TOX: variants seen among roughly 807,000 people sequenced by gnomAD.
The protein encoded by TOX is thymocyte selection-associated high mobility group box protein TOX.
A neutral mutation model predicts 53.7 loss-of-function variants in TOX; 11 were observed. That is an observed-to-expected ratio of 0.20 (90% confidence interval 0.13 to 0.34). The LOEUF (loss-of-function observed/expected upper bound fraction) is 0.34. Among genes scored for constraint, TOX ranks in the 10% least tolerant of loss-of-function variants. The pLI is 1.00. For synonymous variants in TOX, 225 were observed against 245.3 expected, an observed-to-expected ratio of 0.92 and a Z score of 0.77; for missense variants, 570 against 664.6, an observed-to-expected ratio of 0.86 and a Z score of 1.56.
At chr8:58,972,436 T>G (rs1813017509) in intron 1 of TOX, among the ~76,000 whole-genome samples, 1 of 152,208 alleles carries the variant, frequency 6.6e-6, no homozygotes, top group African/African-American at 2.4e-5. Context: ...TGCTTCGGGC[T>G]AATTTATTGT....
intron 5 of TOX, among the ~76,000 whole-genome samples, chr8:58,836,036 C>T (rs1026648327): frequency 1.3e-5 from 2 of 152,284 alleles, no homozygotes; most frequent in South Asian, 2.1e-4. Flanking sequence ...ATGCTTTCTT[C>T]AGGAAATTTT....
chr8:59,037,664 T>C (rs182265206), intron 1 of TOX, among the ~76,000 whole-genome samples: 19 of 152,026 alleles, frequency 1.2e-4, no homozygotes, highest in Admixed American at 1.0e-3. Flanking sequence ...TAGCCGGCCG[T>C]GGTGGCAGGC....
At chr8:59,087,472 C>T (rs539461965) in intron 1 of TOX, among the ~76,000 whole-genome samples, 1 of 152,160 alleles carries the variant, frequency 6.6e-6, no homozygotes, top group African/African-American at 2.4e-5. Context: ...TGGAATAGAT[C>T]ACATTTGACT....
intron 1 of TOX, among the ~76,000 whole-genome samples, chr8:59,055,768 ACT>A (rs1235910557): frequency 6.6e-6 from 1 of 151,490 alleles, no homozygotes; most frequent in African/African-American, 2.4e-5. Context: ...ATAATACAAA[ACT>A]CTCTCTAAAG....
At chr8:58,981,785 TCTTC>T (rs1369544600) in intron 1 of TOX, among the ~76,000 whole-genome samples, 1 of 152,172 alleles carries the variant, frequency 6.6e-6, no homozygotes, top group Non-Finnish European at 1.5e-5. Context: ...CTGAACTCTT[TCTTC>T]CTTCTTTCTT....
chr8:58,973,410 A>G (rs984490406), intron 1 of TOX, among the ~76,000 whole-genome samples: 4 of 152,244 alleles, frequency 2.6e-5, no homozygotes, highest in East Asian at 1.9e-4. Flanking sequence ...GCCTTTTCAC[A>G]CTATCAGATG....
chr8:59,082,118 A>G (rs1300377186), intron 1 of TOX, among the ~76,000 whole-genome samples: 1 of 152,212 alleles, frequency 6.6e-6, no homozygotes, highest in Non-Finnish European at 1.5e-5. Flanking sequence ...GGGTAGATCC[A>G]TAAGTAGTGA....
chr8:58,930,559 A>G (rs1812240444), intron 3 of TOX, among the ~76,000 whole-genome samples: 1 of 152,196 alleles, frequency 6.6e-6, no homozygotes, highest in African/African-American at 2.4e-5. Context: ...AAGCACCAGC[A>G]TGATTATTCA....
chr8:59,010,451 G>A (rs111602835), intron 1 of TOX, among the ~76,000 whole-genome samples: 3,704 of 152,266 alleles, frequency 0.024, 59 homozygotes, highest in Middle Eastern at 0.088. Context: ...TAAGAGTGAC[G>A]AGGCCAACGA....
chr8:59,028,070 G>C (rs769902735), intron 1 of TOX, among the ~76,000 whole-genome samples: 2 of 152,106 alleles, frequency 1.3e-5, no homozygotes, highest in Non-Finnish European at 1.5e-5. Flanking sequence ...AGAACTAACT[G>C]CATGAATTTG....
intron 3 of TOX, among the ~76,000 whole-genome samples, chr8:58,868,223 C>T (rs557126530): frequency 6.6e-6 from 1 of 152,266 alleles, no homozygotes; most frequent in African/African-American, 2.4e-5. Flanking sequence ...TGTGAGGCCT[C>T]CCCTCCCATG....
intron 6 of TOX, among the ~76,000 whole-genome samples, chr8:58,824,743 G>A (rs140982716): frequency 1.1e-3 from 160 of 152,240 alleles, no homozygotes; most frequent in African/African-American, 3.6e-3. Context: ...TTCCCTTGAC[G>A]AAAGAGAAAG....
chr8:58,849,341 T>C (rs143260532), intron 4 of TOX, among the ~76,000 whole-genome samples: 77 of 152,276 alleles, frequency 5.1e-4, no homozygotes, highest in African/African-American at 1.7e-3. Flanking sequence ...TTTCCTGCAT[T>C]GATAATTCAA....
intron 1 of TOX, among the ~76,000 whole-genome samples, chr8:59,010,723 C>T (rs1813889259): frequency 6.6e-6 from 1 of 152,208 alleles, no homozygotes; most frequent in Non-Finnish European, 1.5e-5. Context: ...ACAATGCTTT[C>T]TAATGAGTTA....
At chr8:58,990,297 C>T (rs1197531170) in intron 1 of TOX, among the ~76,000 whole-genome samples, 3 of 152,104 alleles carry the variant, frequency 2.0e-5, no homozygotes, top group East Asian at 3.9e-4. Context: ...GATATGGTGG[C>T]CTCAAGGTTC....
intron 1 of TOX, among the ~76,000 whole-genome samples, chr8:58,989,903 A>G (rs1318103934): frequency 6.6e-6 from 1 of 152,128 alleles, no homozygotes; most frequent in Admixed American, 6.5e-5. Context: ...ACCTCATGAC[A>G]ACCAACATCA....
At chr8:58,894,307 C>A (rs138166843) in intron 3 of TOX, among the ~76,000 whole-genome samples, 11 of 152,088 alleles carry the variant, frequency 7.2e-5, no homozygotes, top group African/African-American at 2.7e-4. Flanking sequence ...AACAGCTCAG[C>A]GGGAAAGGTT....
intron 6 of TOX, among the ~76,000 whole-genome samples, chr8:58,816,491 A>C (rs2129164760): frequency 6.6e-6 from 1 of 152,316 alleles, no homozygotes; most frequent in African/African-American, 2.4e-5. Flanking sequence ...CATTTCAGTA[A>C]AGGCTGAAAA....
intron 4 of TOX, among the ~76,000 whole-genome samples, chr8:58,848,866 T>G (rs1406358093): frequency 6.6e-6 from 1 of 152,160 alleles, no homozygotes; most frequent in African/African-American, 2.4e-5. Flanking sequence ...AATATATAAT[T>G]GCTTAAAGAC....
Sources: gnomAD v4.1 joint callset for allele counts (sites outside exome capture counted in the v4.1 genomes callset) on GRCh38, gnomAD v4.1.1 for gene constraint, MANE v1.5 for transcripts, NCBI Gene and HGNC (gene_info 2026-07-23, HGNC 2026-07-21) for gene names.